The following SLC25A26 variants were observed in gnomAD, a reference collection of about 807,000 sequenced individuals.
SLC25A26 encodes the protein solute carrier family 25 member 26, also known as mitochondrial S-adenosylmethionine carrier protein.
A neutral mutation model predicts 37.8 loss-of-function variants in SLC25A26; 36 were observed. That is an observed-to-expected ratio of 0.95 (90% CI 0.73 to 1.26). The LOEUF (loss-of-function observed/expected upper bound fraction) is 1.26, where lower values mean the gene tolerates loss of function less well. SLC25A26 is among the 50% of genes most tolerant of loss of function. The probability of loss-of-function intolerance (pLI) is 0.00; values close to 1 mark genes in which losing one functional copy is unlikely to be tolerated. For missense variants in SLC25A26, 390 were observed against 331.1 expected (o/e 1.18, Z -1.38); for synonymous variants, 129 against 122.5 (o/e 1.05, Z -0.35).
At chr3:66,216,686 T>C (rs1265552645), upstream of SLC25A26, among the ~76,000 whole-genome samples, 4 of 152,132 alleles carry the variant, frequency 2.6e-5, no homozygotes, top group African/African-American at 9.7e-5. Context: ...TGCTAATTTT[T>C]ATAAATACTA....
intron 1 of SLC25A26, among the ~76,000 whole-genome samples, chr3:66,176,815 C>T (rs2070594193): frequency 2.0e-5 from 3 of 152,054 alleles, no homozygotes; most frequent in Admixed American, 6.5e-5. Flanking sequence ...TTTTGGTTGC[C>T]TTAATTGGGG....
intron 2 of SLC25A26, among the ~76,000 whole-genome samples, chr3:66,242,877 A>G (rs2072646765): frequency 6.6e-6 from 1 of 152,226 alleles, no homozygotes; most frequent in South Asian, 2.1e-4. Context: ...ATTTTGGATC[A>G]CAGAAATTCA....
chr3:66,251,180 C>T (rs2073069640), intron 3 of SLC25A26, among the ~76,000 whole-genome samples: 2 of 152,092 alleles, frequency 1.3e-5, no homozygotes, highest in South Asian at 4.1e-4. Flanking sequence ...GCTATAGGGC[C>T]TTGCCTGCTA....
intron 5 of SLC25A26, among the ~76,000 whole-genome samples, chr3:66,295,741 G>A (rs556467292): frequency 5.3e-5 from 8 of 151,396 alleles, no homozygotes; most frequent in Admixed American, 2.0e-4. Context: ...CTCGTGATCC[G>A]CCTGCCTTGG....
At chr3:66,159,342 G>A (rs910162143) in intron 1 of SLC25A26, among the ~76,000 whole-genome samples, 2 of 152,198 alleles carry the variant, frequency 1.3e-5, no homozygotes, top group Admixed American at 1.3e-4. Context: ...ACTCATCCAT[G>A]ACCTATTAAA....
intron 1 of SLC25A26, among the ~76,000 whole-genome samples, chr3:66,204,849 A>G (rs996084061): frequency 3.3e-5 from 5 of 152,198 alleles, no homozygotes; most frequent in Non-Finnish European, 5.9e-5. Flanking sequence ...TGAATGTTAA[A>G]CCACTCTTCT....
intron 9 of SLC25A26, among the ~76,000 whole-genome samples, chr3:66,375,581 C>T (rs192116819): frequency 7.2e-5 from 11 of 152,312 alleles, no homozygotes; most frequent in African/African-American, 2.6e-4. Flanking sequence ...GGTGCTAAAT[C>T]GACTCTGCCT....
intron 1 of SLC25A26, among the ~76,000 whole-genome samples, chr3:66,206,297 A>G (rs889391978): frequency 3.9e-4 from 59 of 152,148 alleles, no homozygotes; most frequent in African/African-American, 1.3e-3. Flanking sequence ...TACTTTCTCT[A>G]CCTCGAGGCA....
At chr3:66,233,328 A>G (rs922866556) in intron 1 of SLC25A26, among the ~76,000 whole-genome samples, 5 of 152,232 alleles carry the variant, frequency 3.3e-5, no homozygotes, top group African/African-American at 1.2e-4. Context: ...TCTATAAGAT[A>G]TTGAGGTCTC....
At chr3:66,335,649 C>T (rs1012029371) in intron 5 of SLC25A26, among the ~76,000 whole-genome samples, 1 of 152,070 alleles carries the variant, frequency 6.6e-6, no homozygotes, top group African/African-American at 2.4e-5. Flanking sequence ...GTAAGAAATA[C>T]GTATCGAGTG....
intron 9 of SLC25A26, among the ~76,000 whole-genome samples, chr3:66,376,499 G>A (rs1394346257): frequency 6.6e-6 from 1 of 152,212 alleles, no homozygotes; most frequent in Non-Finnish European, 1.5e-5. Flanking sequence ...TCAGCCAGAA[G>A]ATTACAATTT....
At chr3:66,306,098 C>T (rs1272472397) in intron 5 of SLC25A26, among the ~76,000 whole-genome samples, 3 of 152,116 alleles carry the variant, frequency 2.0e-5, no homozygotes, top group Non-Finnish European at 4.4e-5. Flanking sequence ...AGTTCTCCTG[C>T]GTCAGCCTCC....
At chr3:66,370,454 T>G in intron 8 of SLC25A26, 75 bp from the exon 9 acceptor site, 1 of 1,175,578 alleles carries the variant, frequency 8.5e-7, no homozygotes, top group South Asian at 1.3e-5. Context: ...GCTGTGTGTC[T>G]GAGGATATCT....
intron 9 of SLC25A26, among the ~76,000 whole-genome samples, chr3:66,372,062 C>T (rs899230868): frequency 6.6e-6 from 1 of 152,220 alleles, no homozygotes; most frequent in Non-Finnish European, 1.5e-5. Flanking sequence ...CACTGCTCTC[C>T]AGCCTGGGTG....
At chr3:66,267,218 C>T (rs546622075) in intron 5 of SLC25A26, among the ~76,000 whole-genome samples, 45 of 152,206 alleles carry the variant, frequency 3.0e-4, no homozygotes, top group Non-Finnish European at 5.4e-4. Flanking sequence ...TAGCATAAAA[C>T]GATTCTTAAT....
intron 1 of SLC25A26, among the ~76,000 whole-genome samples, chr3:66,146,535 T>A (rs2070117236): frequency 6.6e-6 from 1 of 152,174 alleles, no homozygotes; most frequent in African/African-American, 2.4e-5. Flanking sequence ...TATGTATTAT[T>A]TGTACATATG....
In SLC25A26 at chr3:66,197,507, A is replaced by T. The variant is rs1014328747; in HGVS notation, c.-353-23235A>T. On this transcript the variant is annotated intron_variant, in intron 1 of 10. Coordinates refer to the SLC25A26 transcript ENST00000676754. ...GTATCAACATTAGAAAAGATCAGGGATGGGGTCAGGGTCAGGGTTAGGTTA... is the reference window on the plus strand; with the variant it reads ...GTATCAACATTAGAAAAGATCAGGGTTGGGGTCAGGGTCAGGGTTAGGTTA... 1.0e-3 allele frequency among the ~76,000 whole-genome samples: 157 copies of T among 152,216 alleles called. 5 individuals carry two copies. The highest frequency in any genetic ancestry group is 3.5e-3 in the African/African-American group (144 of 41,556).
At chr3:66,268,572 A>G (rs1394103432) in intron 5 of SLC25A26, among the ~76,000 whole-genome samples, 3 of 152,242 alleles carry the variant, frequency 2.0e-5, no homozygotes, top group Non-Finnish European at 4.4e-5. Context: ...GAGGGGATCC[A>G]GGCGAAGTGC....
chr3:66,363,556 A>AT (rs2076761476), intron 7 of SLC25A26, among the ~76,000 whole-genome samples: 1 of 152,226 alleles, frequency 6.6e-6, no homozygotes, highest in Admixed American at 6.5e-5. Flanking sequence ...GAGAACTCAA[A>AT]TGCTTTAAAG....
Sources: gnomAD v4.1 joint callset for allele counts (sites outside exome capture counted in the v4.1 genomes callset) on GRCh38, gnomAD v4.1.1 for gene constraint, MANE v1.5 for transcripts, NCBI Gene and HGNC (gene_info 2026-07-23, HGNC 2026-07-21) for gene names.